OXNAD1: variants seen among roughly 807,000 people sequenced by gnomAD.
The protein encoded by OXNAD1 is oxidoreductase NAD-binding domain-containing protein 1.
Under a neutral mutation model 32.9 loss-of-function variants are expected in OXNAD1, and 34 were observed. The ratio of observed to expected loss-of-function variants is 1.03; its 90% CI spans 0.79 to 1.38. The LOEUF is 1.38. Among genes scored for constraint, OXNAD1 ranks in the 40% most tolerant of loss-of-function variants. The pLI, the probability that OXNAD1 is intolerant of heterozygous loss-of-function variation, is 0.00. For synonymous variants in OXNAD1, 134 were observed against 135.2 expected (o/e 0.99, Z 0.06); for missense variants, 407 against 379.4 (o/e 1.07, Z -0.60).
At chr3:16,266,477 C>T (rs959371942) in intron 1 of OXNAD1, among the ~76,000 whole-genome samples, 1 of 151,886 alleles carries the variant, frequency 6.6e-6, no homozygotes, top group Non-Finnish European at 1.5e-5. Flanking sequence ...TGGTGGTGTG[C>T]CTGTAATCCC....
Position 16,348,571 on chromosome 3 carries a change from G to A in OXNAD1, c.*31-605G>A, listed in dbSNP as rs12633789. Among the ~76,000 whole-genome samples, 14,887 of 152,092 alleles carry A rather than the reference G, an allele frequency of 0.098. 741 individuals are homozygous for A. Among genetic ancestry groups the A allele is most frequent in the Admixed American group, 0.13 (2,050 of 15,276 alleles). ...ACTTCTGGTCAGCAGGGCACAATTA[G>A]CCTTGAATGCCTTCCCATTTCCTTT... On this transcript the variant is annotated intron_variant, in intron 9 of 9. Transcript: ENST00000606098. This position sits in a 1 kb window ranked among gnomAD's most constrained non-coding sequence, Gnocchi z 6.3.
rs983849496 is a variant in OXNAD1 at position 16,271,423 on chromosome 3, C to T, written c.120-236C>T. 2.6e-4 allele frequency among the ~76,000 whole-genome samples: 40 copies of T among 152,074 alleles called. 1 individual carries two copies. The highest frequency in any genetic ancestry group is 1.9e-4 in the East Asian group (1 of 5,168). On this transcript the variant is annotated intron_variant, in intron 3 of 8. Coordinates refer to ENST00000285083, the MANE Select transcript of OXNAD1 (RefSeq NM_138381.5). This position sits in a 1 kb window ranked among gnomAD's most constrained non-coding sequence, Gnocchi z 4.6. ...TTCTCCATGTTGGCCAGGCTGGTCT[C>T]GTACTCCTGACGTCAGATGATCTGC...
At chr3:16,291,402 G>C (rs1480065041) in intron 5 of OXNAD1, among the ~76,000 whole-genome samples, 1 of 152,170 alleles carries the variant, frequency 6.6e-6, no homozygotes, top group Non-Finnish European at 1.5e-5. Context: ...ACTCTGTAAT[G>C]ATTCTTATTC....
intron 5 of OXNAD1, among the ~76,000 whole-genome samples, chr3:16,291,761 A>G (rs1384872090): frequency 1.3e-5 from 2 of 152,234 alleles, no homozygotes; most frequent in Non-Finnish European, 2.9e-5. Flanking sequence ...AAACCTAGGC[A>G]TGGAATTGTT....
chr3:16,342,725 G>T lies in OXNAD1; in HGVS notation c.*31-6451G>T, dbSNP rs17042167. On this transcript the variant is annotated intron_variant, in intron 9 of 9. Transcript: ENST00000606098. This position sits in a 1 kb window ranked among gnomAD's most constrained non-coding sequence, Gnocchi z 4.0. ...CCAAGCCTAATTTGCCACTTCACCC[G>T]AAAAGGATGTTTAAAGAGGCCACTG... 2.0e-5 allele frequency among the ~76,000 whole-genome samples: 3 copies of T among 152,188 alleles called. No homozygotes were observed. The highest frequency in any genetic ancestry group is 6.5e-5 in the Admixed American group (1 of 15,286).
rs190106122 is a variant in OXNAD1 at position 16,288,163 on chromosome 3, G to A, written c.290+1715G>A. 2.6e-5 allele frequency among the ~76,000 whole-genome samples: 4 copies of A among 152,262 alleles called. No homozygotes were observed. Among genetic ancestry groups the A allele is most frequent in the East Asian group, 1.9e-4 (1 of 5,188 alleles). ...GGTTGGCGGTGTCTGTCCCTTCCATGCTGTTGCTTGAATGGCTTTGTGCTC... is the reference window on the plus strand; with the variant it reads ...GGTTGGCGGTGTCTGTCCCTTCCATACTGTTGCTTGAATGGCTTTGTGCTC... On this transcript the variant is annotated intron_variant, in intron 5 of 8. Coordinates refer to ENST00000285083, the MANE Select transcript of OXNAD1 (RefSeq NM_138381.5). This position sits in a 1 kb window ranked among gnomAD's most constrained non-coding sequence, Gnocchi z 5.1.
rs368380786 is a variant in OXNAD1, at chr3:16,316,798, C to T, written c.*30+13206C>T. 6.2e-7 allele frequency: 1 copy of T among 1,612,662 alleles called. No homozygotes were observed. The highest frequency in any genetic ancestry group is 1.1e-5 in the South Asian group (1 of 90,860). On this transcript the variant is annotated intron_variant, in intron 9 of 9. Coordinates refer to the OXNAD1 transcript ENST00000435829. This position sits in a 1 kb window ranked among gnomAD's most constrained non-coding sequence, Gnocchi z 4.5. ...GTAAGATGCCTTGGGTTTGGCAACT[C>T]ACCTAGTTTTAGCACAAATTGCCCA...
chr3:16,333,236 T>C lies in OXNAD1; in HGVS notation c.*31-3876T>C, dbSNP rs572726402. 2.6e-4 allele frequency among the ~76,000 whole-genome samples: 40 copies of C among 152,386 alleles called. 1 individual carries two copies. The South Asian group carries it at 4.1e-3, about 16-fold the overall frequency. On this transcript the variant is annotated intron_variant, in intron 9 of 9. Coordinates refer to the OXNAD1 transcript ENST00000435829. The stretch of plus-strand genomic sequence containing the variant: ...CAAAAATGTGAAAAATGTGGCACTA[T>C]GTGTACCACAAAAAGGACACTTGCT...
intron 4 of OXNAD1, among the ~76,000 whole-genome samples, chr3:16,273,914 TA>T (rs1466419884): frequency 1.3e-5 from 2 of 152,154 alleles, no homozygotes; most frequent in African/African-American, 4.8e-5. Context: ...TGTTTCCTAA[TA>T]AAAGACCTTT....
At chr3:16,279,359 AAG>A (rs2065584881) in intron 4 of OXNAD1, among the ~76,000 whole-genome samples, 2 of 152,158 alleles carry the variant, frequency 1.3e-5, no homozygotes, top group Non-Finnish European at 2.9e-5. Flanking sequence ...GCTACAAAGA[AAG>A]GGAGGCTCCT....
intron 5 of OXNAD1, among the ~76,000 whole-genome samples, chr3:16,291,744 T>C (rs985751142): frequency 6.6e-6 from 1 of 152,250 alleles, no homozygotes; most frequent in African/African-American, 2.4e-5. Context: ...TCACCTGTCT[T>C]AGGTCTAAAC....
chr3:16,293,904 T>C (rs1274259217), intron 5 of OXNAD1, among the ~76,000 whole-genome samples: 2 of 152,220 alleles, frequency 1.3e-5, no homozygotes, highest in African/African-American at 4.8e-5. Flanking sequence ...TCTTGACTAT[T>C]GAGATGATCA....
rs1397782583 is a variant in OXNAD1 at position 16,312,628 on chromosome 3, C to T, written c.*30+9036C>T. ...CTCAGCTAGAGTGGGTTGCACGAGT[C>T]GTGAGTTTGGGGTCAACCTATTCCT... On this transcript the variant is annotated intron_variant, in intron 9 of 9. Transcript: ENST00000435829. This position sits in a 1 kb window ranked among gnomAD's most constrained non-coding sequence, Gnocchi z 4.7. 1.3e-5 allele frequency among the ~76,000 whole-genome samples: 2 copies of T among 152,202 alleles called. No individual in the cohort carries two copies. The highest frequency in any genetic ancestry group is 2.9e-5 in the Non-Finnish European group (2 of 68,036).
At chr3:16,332,658 C>T (rs2070440848) in intron 9 of OXNAD1, among the ~76,000 whole-genome samples, 1 of 152,172 alleles carries the variant, frequency 6.6e-6, no homozygotes, top group Non-Finnish European at 1.5e-5. Context: ...AAAACCAAAG[C>T]TTTTCTTGGG....
At chr3:16,311,283 C>G (rs1575181641) in intron 9 of OXNAD1, among the ~76,000 whole-genome samples, 2 of 151,490 alleles carry the variant, frequency 1.3e-5, no homozygotes, top group East Asian at 3.9e-4. Flanking sequence ...AACTATCTGC[C>G]TCCCGGGTTC....
chr3:16,332,437 C>CT (rs533122045), intron 9 of OXNAD1, among the ~76,000 whole-genome samples: 280 of 149,148 alleles, frequency 1.9e-3, no homozygotes, highest in African/African-American at 6.5e-3. Context: ...TTTACAGCAT[C>CT]TTGTTTTTGC....
intron 9 of OXNAD1, among the ~76,000 whole-genome samples, chr3:16,319,054 G>A (rs1342139932): frequency 5.3e-5 from 8 of 152,182 alleles, no homozygotes; most frequent in Admixed American, 3.9e-4. Flanking sequence ...TCCAGGCACC[G>A]TGTTATGGTT....
chr3:16,294,710 C>T, intron 5 of OXNAD1, 146 bp from the exon 6 acceptor site: 2 of 771,390 alleles, frequency 2.6e-6, no homozygotes, highest in Non-Finnish European at 3.8e-6. Flanking sequence ...CTTTTTATTT[C>T]TATAAGCTTT....
At chr3:16,311,248 C>T (rs931327328) in intron 9 of OXNAD1, among the ~76,000 whole-genome samples, 6 of 122,660 alleles carry the variant, frequency 4.9e-5, no homozygotes, top group Non-Finnish European at 1.0e-4. Context: ...GGCTGGAGTG[C>T]AGTGGCATGA....
Sources: gnomAD v4.1 joint callset for allele counts (sites outside exome capture counted in the v4.1 genomes callset) on GRCh38, gnomAD v4.1.1 for gene constraint, Gnocchi (gnomAD v3.1) non-coding constraint, MANE v1.5 for transcripts, NCBI Gene and HGNC (gene_info 2026-07-23, HGNC 2026-07-21) for gene names.